ROBO1: variants seen among roughly 807,000 people sequenced by gnomAD.
ROBO1 encodes the protein roundabout homolog 1.
Under a neutral mutation model 195.9 loss-of-function variants are expected in ROBO1, and 149 were observed. That is an observed-to-expected ratio of 0.76 (90% CI 0.67 to 0.87). The LOEUF is 0.87. ROBO1 is among the 40% of genes least tolerant of loss of function. ROBO1 has a pLI of 0.00. For missense variants in ROBO1, 1,933 were observed against 2,068.3 expected (o/e 0.93, Z 1.27); for synonymous variants, 816 against 733.2 (o/e 1.11, Z -1.82).
chr3:79,278,158 T>C (rs1401730861), intron 2 of ROBO1, among the ~76,000 whole-genome samples: 1 of 152,060 alleles, frequency 6.6e-6, no homozygotes, highest in African/African-American at 2.4e-5. Context: ...ATGAAATTAA[T>C]TGAAGAGTGT....
At chr3:78,909,156 C>T (rs995716694) in intron 4 of ROBO1, among the ~76,000 whole-genome samples, 6 of 151,676 alleles carry the variant, frequency 4.0e-5, no homozygotes, top group Admixed American at 4.0e-4. Flanking sequence ...ATGAGTATTT[C>T]TATTTATCTA....
chr3:78,666,654 T>C (rs112992410), intron 14 of ROBO1, among the ~76,000 whole-genome samples: 1 of 152,156 alleles, frequency 6.6e-6, no homozygotes, highest in Non-Finnish European at 1.5e-5. Flanking sequence ...GAGCTATGGG[T>C]GTGTTACATT....
chr3:78,918,977 C>A lies in ROBO1; in HGVS notation c.499+19624G>T, dbSNP rs1338541144. ...TGTGGTTCTGGAGCAAAGGAAAGTACCACACTGTCATAATTTTATCTACAC... is the reference window on the plus strand; with the variant it reads ...TGTGGTTCTGGAGCAAAGGAAAGTAACACACTGTCATAATTTTATCTACAC... On this transcript the variant is annotated intron_variant, in intron 4 of 30. Transcript: ENST00000464233. Among the ~76,000 whole-genome samples, 3 of 152,062 alleles carry A rather than the reference C, an allele frequency of 2.0e-5. No individual in the cohort carries two copies. In the East Asian group the frequency reaches 5.8e-4, roughly 29 times the overall value.
At chr3:79,512,526 T>G (rs1940761018) in intron 2 of ROBO1, among the ~76,000 whole-genome samples, 1 of 152,196 alleles carries the variant, frequency 6.6e-6, no homozygotes, top group Non-Finnish European at 1.5e-5. Flanking sequence ...ATGCTATATC[T>G]AATTCCTTTT....
Position 78,627,505 on chromosome 3 carries a change from C to T in ROBO1, c.3691G>A (p.Glu1231Lys). The change falls in exon 26 of 31, where the codon GAA becomes AAA. Residue 1231 changes from glutamate (E) to lysine (K), a missense_variant. Around this residue, in one of 3 missense-constraint regions of ROBO1, gnomAD observed 1,737 missense variants for 1,882.5 expected, o/e 0.92. Transcript: ENST00000464233. ...ARMYLQQDEL[E>K]EEEDERGPTP... ...GGGCCTCGTTCATCTTCCTCCTCTT[C>T]TAATTCATCTTGTTGCAAATACATC... The T allele has an allele frequency of 6.2e-7, 1 of 1,613,336 alleles. No individual in the cohort carries two copies. Among genetic ancestry groups the T allele is most frequent in the Non-Finnish European group, 8.5e-7 (1 of 1,179,682 alleles).
chr3:79,120,087 G>C (rs2080087903), intron 3 of ROBO1, among the ~76,000 whole-genome samples: 1 of 151,978 alleles, frequency 6.6e-6, no homozygotes, highest in Non-Finnish European at 1.5e-5. Context: ...TCATGGTTTT[G>C]ATCTTAAAAG....
At position 79,516,840 on chromosome 3, in the gene ROBO1, G is replaced by A. The variant is rs530184698; in HGVS notation, c.88+72984C>T. ...TCTACAGGATAGATTTCTAGAAATG[G>A]AAATGATTGACAAAGGTTTTTGTGC... On this transcript the variant is annotated intron_variant, in intron 2 of 30. Coordinates refer to ENST00000464233, the MANE Select transcript of ROBO1 (RefSeq NM_002941.4). Among the ~76,000 whole-genome samples the A allele has an allele frequency of 1.4e-4, 22 of 152,216 alleles. No individual in the cohort carries two copies. The South Asian group carries it at 4.6e-3, about 32-fold the overall frequency.
chr3:79,098,494 T>C (rs978876268), intron 3 of ROBO1, among the ~76,000 whole-genome samples: 4 of 151,974 alleles, frequency 2.6e-5, no homozygotes, highest in South Asian at 2.1e-4. Context: ...TCTGTCTCAG[T>C]GTAGATTATT....
intron 2 of ROBO1, among the ~76,000 whole-genome samples, chr3:79,417,086 T>C (rs1172962092): frequency 6.6e-6 from 1 of 152,156 alleles, no homozygotes; most frequent in Admixed American, 6.5e-5. Context: ...CACAAATATG[T>C]TGGTACTCCC....
At chr3:79,596,964 G>T (rs976154076) in intron 1 of ROBO1, among the ~76,000 whole-genome samples, 2 of 151,768 alleles carry the variant, frequency 1.3e-5, no homozygotes, top group African/African-American at 4.8e-5. Context: ...AATTGGTGGA[G>T]AAAAAAATAG....
intron 3 of ROBO1, among the ~76,000 whole-genome samples, chr3:79,100,658 A>G (rs1054652783): frequency 1.3e-5 from 2 of 151,848 alleles, no homozygotes; most frequent in Non-Finnish European, 2.9e-5. Flanking sequence ...ACAAATAATA[A>G]GTTTCCACTA....
intron 8 of ROBO1, 26 bp from the exon 9 acceptor site, chr3:78,688,798 C>A (rs766140847): frequency 3.1e-6 from 5 of 1,592,718 alleles, no homozygotes; most frequent in East Asian, 2.3e-5. Flanking sequence ...CAAATTACAC[C>A]GAATTAAAAG....
At chr3:79,084,775 C>T (rs916254122) in intron 3 of ROBO1, among the ~76,000 whole-genome samples, 1 of 152,072 alleles carries the variant, frequency 6.6e-6, no homozygotes, top group African/African-American at 2.4e-5. Context: ...CAGAAGAAAA[C>T]ATGTTCAGGT....
chr3:79,505,740 G>A (rs1188541956), intron 2 of ROBO1, among the ~76,000 whole-genome samples: 1 of 152,174 alleles, frequency 6.6e-6, no homozygotes, highest in East Asian at 1.9e-4. Flanking sequence ...AATACAGGCA[G>A]ACAAATAATG....
chr3:79,450,652 C>CT (rs2039413180), intron 2 of ROBO1, among the ~76,000 whole-genome samples: 1 of 151,844 alleles, frequency 6.6e-6, no homozygotes, highest in Admixed American at 6.6e-5. Flanking sequence ...TATGAAAATG[C>CT]TATTCTTAAT....
At chr3:79,617,056 C>A (rs7426536) in intron 1 of ROBO1, among the ~76,000 whole-genome samples, 2 of 151,922 alleles carry the variant, frequency 1.3e-5, no homozygotes. Flanking sequence ...AAATGAAGCT[C>A]ATGAGCCCTG....
chr3:78,995,833 C>T (rs1369738137), intron 3 of ROBO1, among the ~76,000 whole-genome samples: 1 of 151,512 alleles, frequency 6.6e-6, no homozygotes, highest in Admixed American at 6.6e-5. Context: ...GCCCTTCAAG[C>T]CCCTAAATTA....
intron 28 of ROBO1, among the ~76,000 whole-genome samples, chr3:78,607,825 C>G (rs1191688138): frequency 6.6e-6 from 1 of 152,074 alleles, no homozygotes; most frequent in Non-Finnish European, 1.5e-5. Context: ...ATATGTAGAC[C>G]TTAAGCTACT....
At chr3:78,918,490 CATT>C (rs746836714) in intron 4 of ROBO1, among the ~76,000 whole-genome samples, 1 of 152,084 alleles carries the variant, frequency 6.6e-6, no homozygotes, top group Non-Finnish European at 1.5e-5. Flanking sequence ...TTATATGAAT[CATT>C]ATCCCTTATT....
Sources: allele counts gnomAD v4.1 joint callset (sites outside exome capture counted in the v4.1 genomes callset), GRCh38; gene constraint gnomAD v4.1.1; regional missense constraint gnomAD v4.1.1; transcripts MANE v1.5; gene names NCBI Gene and HGNC (gene_info 2026-07-23, HGNC 2026-07-21).